Variants in ULK4 observed in about 807,000 individuals in gnomAD.
ULK4 encodes the protein unc-51 like kinase 4.
A neutral mutation model predicts 160.6 loss-of-function variants in ULK4; 133 were observed. The observed-to-expected ratio is 0.83, with a 90% confidence interval of 0.72 to 0.96. The LOEUF (loss-of-function observed/expected upper bound fraction) is 0.96. Ranked by LOEUF, ULK4 falls within the 40% of genes least tolerant of loss-of-function variation. The pLI is 0.00. For missense variants in ULK4, 1,580 were observed against 1,499.5 expected (o/e 1.05, Z -0.89); for synonymous variants, 534 against 539.8 (o/e 0.99, Z 0.15).
intron 35 of ULK4, among the ~76,000 whole-genome samples, chr3:41,296,782 T>A (rs1482140868): frequency 1.3e-5 from 2 of 150,930 alleles, no homozygotes; most frequent in Non-Finnish European, 2.9e-5. Context: ...AGGCCTTGAG[T>A]CCAGAGGACA....
chr3:41,615,986 A>G (rs2032942645), intron 30 of ULK4, among the ~76,000 whole-genome samples: 3 of 152,214 alleles, frequency 2.0e-5, no homozygotes, highest in Non-Finnish European at 4.4e-5. Context: ...AGGGATTAAA[A>G]TTCACAATTA....
intron 30 of ULK4, among the ~76,000 whole-genome samples, chr3:41,620,258 T>C (rs1378389926): frequency 6.6e-6 from 1 of 152,200 alleles, no homozygotes; most frequent in African/African-American, 2.4e-5. Flanking sequence ...TAACTCATTT[T>C]ATGAGGCTAG....
intron 34 of ULK4, among the ~76,000 whole-genome samples, chr3:41,448,807 G>A (rs916478603): frequency 7.2e-5 from 11 of 152,190 alleles, no homozygotes; most frequent in Non-Finnish European, 1.6e-4. Flanking sequence ...TGATGTCCAC[G>A]TTCTTGGCTT....
At chr3:41,417,582 A>C (rs2125832871) in intron 34 of ULK4, among the ~76,000 whole-genome samples, 1 of 152,254 alleles carries the variant, frequency 6.6e-6, no homozygotes, top group South Asian at 2.1e-4. Context: ...ATTGTACTTA[A>C]TGCAGAGAGG....
chr3:41,513,679 T>C (rs573767411), intron 32 of ULK4, among the ~76,000 whole-genome samples: 71 of 152,266 alleles, frequency 4.7e-4, no homozygotes, highest in African/African-American at 1.6e-3. Flanking sequence ...CTGGATAGAA[T>C]TGGAGACTAT....
chr3:41,283,347 CAT>C (rs1368802965), intron 35 of ULK4, among the ~76,000 whole-genome samples: 3 of 152,208 alleles, frequency 2.0e-5, no homozygotes, highest in African/African-American at 4.8e-5. Context: ...CACATGCACA[CAT>C]ATGTTTATTG....
chr3:41,729,462 G>A (rs1175358866), intron 22 of ULK4, among the ~76,000 whole-genome samples: 1 of 152,108 alleles, frequency 6.6e-6, no homozygotes, highest in Non-Finnish European at 1.5e-5. Context: ...CTTGACACTG[G>A]AGCCACTGCT....
At chr3:41,417,222 A>C (rs1308139463) in intron 34 of ULK4, among the ~76,000 whole-genome samples, 2 of 152,176 alleles carry the variant, frequency 1.3e-5, no homozygotes, top group African/African-American at 4.8e-5. Context: ...CTTAGACGTG[A>C]TTCTGGAAGG....
At chr3:41,869,790 C>T (rs1697026123) in intron 17 of ULK4, among the ~76,000 whole-genome samples, 1 of 152,048 alleles carries the variant, frequency 6.6e-6, no homozygotes. Flanking sequence ...GTTTATTTTC[C>T]AACATATTTA....
chr3:41,930,693 A>G (rs1273430835), intron 5 of ULK4, among the ~76,000 whole-genome samples: 2 of 152,188 alleles, frequency 1.3e-5, no homozygotes, highest in Admixed American at 6.5e-5. Flanking sequence ...ATGAACAGAC[A>G]CTTCTCAAAA....
At chr3:41,464,459 T>C (rs73073160) in intron 32 of ULK4, among the ~76,000 whole-genome samples, 4,800 of 152,166 alleles carry the variant, frequency 0.032, 106 homozygotes, top group Non-Finnish European at 0.049. Context: ...GTAGAATGAA[T>C]TACCGTCAAA....
At chr3:41,292,072 A>G (rs1294175787) in intron 35 of ULK4, among the ~76,000 whole-genome samples, 2 of 151,862 alleles carry the variant, frequency 1.3e-5, no homozygotes, top group African/African-American at 2.4e-5. Context: ...TGACCTCACA[A>G]TCCGCCTGCC....
intron 35 of ULK4, among the ~76,000 whole-genome samples, chr3:41,367,300 G>A (rs556805775): frequency 2.0e-5 from 3 of 152,276 alleles, no homozygotes; most frequent in South Asian, 2.1e-4. Context: ...AGATGCTGCC[G>A]AAAGCTGTAG....
intron 32 of ULK4, among the ~76,000 whole-genome samples, chr3:41,478,833 A>G (rs563069538): frequency 6.6e-6 from 1 of 152,368 alleles, no homozygotes; most frequent in Admixed American, 6.5e-5. Flanking sequence ...TTCATACTCA[A>G]AACTTAAGAT....
chr3:41,446,049 C>A (rs1267456759), intron 34 of ULK4, among the ~76,000 whole-genome samples: 2 of 152,032 alleles, frequency 1.3e-5, no homozygotes, highest in African/African-American at 2.4e-5. Flanking sequence ...ACAACCCCAT[C>A]AAAAAGTGGG....
intron 21 of ULK4, among the ~76,000 whole-genome samples, chr3:41,762,086 G>A (rs1190491170): frequency 6.6e-6 from 1 of 151,714 alleles, no homozygotes; most frequent in African/African-American, 2.4e-5. Context: ...CCTGTCTCAG[G>A]GAAACAAACA....
intron 30 of ULK4, among the ~76,000 whole-genome samples, chr3:41,659,337 T>C (rs533417946): frequency 6.6e-6 from 1 of 152,296 alleles, no homozygotes; most frequent in South Asian, 2.1e-4. Flanking sequence ...GTAAAATGGA[T>C]TGGGCAACTG....
intron 27 of ULK4, among the ~76,000 whole-genome samples, chr3:41,683,527 T>C (rs2035992590): frequency 6.6e-6 from 1 of 151,534 alleles, no homozygotes; most frequent in African/African-American, 2.4e-5. Flanking sequence ...TGGTGAGTTT[T>C]TCCTCCAGCC....
chr3:41,676,242 T>A (rs2035710374), intron 29 of ULK4, among the ~76,000 whole-genome samples: 1 of 152,206 alleles, frequency 6.6e-6, no homozygotes, highest in South Asian at 2.1e-4. Flanking sequence ...ATACTTAGAA[T>A]CTAAAGTTAT....
Sources: allele counts gnomAD v4.1 joint callset (sites outside exome capture counted in the v4.1 genomes callset), GRCh38; gene constraint gnomAD v4.1.1; transcripts MANE v1.5; gene names NCBI Gene and HGNC (gene_info 2026-07-23, HGNC 2026-07-21).